Variants in MAN2B2 observed in about 807,000 individuals in gnomAD.
MAN2B2 encodes epididymis-specific alpha-mannosidase.
In MAN2B2, 106 loss-of-function variants were observed where a neutral mutation model predicts 117.1. The ratio of observed to expected loss-of-function variants is 0.90; its 90% CI spans 0.77 to 1.06. MAN2B2 has a LOEUF of 1.06. Ranked by LOEUF, MAN2B2 falls within the 50% of genes least tolerant of loss-of-function variation. The probability of loss-of-function intolerance (pLI) is 0.00; values close to 1 mark genes in which losing one functional copy is unlikely to be tolerated. For missense variants in MAN2B2, 1,326 were observed against 1,381.4 expected, an observed-to-expected ratio of 0.96 and a Z score of 0.64; for synonymous variants, 544 against 595.1, an observed-to-expected ratio of 0.91 and a Z score of 1.25.
At chr4:6,611,494 C>T (rs1225305353) in intron 15 of MAN2B2, among the ~76,000 whole-genome samples, 3 of 151,986 alleles carry the variant, frequency 2.0e-5, no homozygotes, top group African/African-American at 7.3e-5. Flanking sequence ...AGGTACAGAG[C>T]TGGGACTCAC....
intron 10 of MAN2B2, among the ~76,000 whole-genome samples, chr4:6,604,372 G>A (rs1186890727): frequency 6.6e-6 from 1 of 151,784 alleles, no homozygotes; most frequent in Non-Finnish European, 1.5e-5. Context: ...CACAGCAGCT[G>A]TGACCAGGCA....
chr4:6,615,664 G>C (rs564494789), intron 16 of MAN2B2, among the ~76,000 whole-genome samples: 1 of 152,208 alleles, frequency 6.6e-6, no homozygotes, highest in South Asian at 2.1e-4. Context: ...GGCGGGTGTG[G>C]TGATGCTTGC....
intron 18 of MAN2B2, chr4:6,620,974 A>G (rs959783955): frequency 1.9e-6 from 1 of 539,490 alleles, no homozygotes. Context: ...AGGGGATGCC[A>G]TAGGCCGTTG....
Position 6,621,347 on chromosome 4 carries a change from C to G in MAN2B2, c.*62C>G. On this transcript the variant is annotated 3_prime_UTR_variant, in exon 19 of 19. Coordinates refer to ENST00000285599, the MANE Select transcript of MAN2B2 (RefSeq NM_015274.3). ...AGGAACTCCATGTAACAGAACAGAC[C>G]CAGGACAGGGAAAAGCAGTGCGGAG... The G allele has an allele frequency of 1.4e-6, 2 of 1,419,386 alleles. No individual in the cohort carries two copies. Among genetic ancestry groups the G allele is most frequent in the South Asian group, 1.2e-5 (1 of 83,798 alleles). 87.9% of individuals were successfully genotyped at this position (1,419,386 alleles called of 1,614,324 possible). A position where few individuals can be genotyped will look rare whatever the true frequency, so the allele number is the denominator to read the frequency against.
intron 5 of MAN2B2, among the ~76,000 whole-genome samples, chr4:6,592,473 G>C (rs1395541332): frequency 6.6e-6 from 1 of 152,164 alleles, no homozygotes; most frequent in Non-Finnish European, 1.5e-5. Flanking sequence ...TCAAAAACAA[G>C]TCGAGCATGG....
chr4:6,607,592 A>C (rs535974948), intron 11 of MAN2B2, among the ~76,000 whole-genome samples: 1 of 152,218 alleles, frequency 6.6e-6, no homozygotes, highest in African/African-American at 2.4e-5. Context: ...ATACTATTCC[A>C]TCGCATGTAT....
intron 15 of MAN2B2, among the ~76,000 whole-genome samples, chr4:6,612,391 G>A (rs1366429036): frequency 1.3e-5 from 2 of 152,204 alleles, no homozygotes; most frequent in Admixed American, 1.3e-4. Context: ...GCTGGGAGGA[G>A]GTCAGGGATC....
At chr4:6,589,334 G>C (rs1726771430) in intron 5 of MAN2B2, among the ~76,000 whole-genome samples, 174 bp downstream of exon 5, 2 of 152,154 alleles carry the variant, frequency 1.3e-5, no homozygotes, top group Non-Finnish European at 2.9e-5. Flanking sequence ...TCCGCCTCCT[G>C]GGTTCAAGCG....
intron 2 of MAN2B2, 28 bp from the exon 3 acceptor site, chr4:6,578,365 T>A (rs577753131): frequency 6.3e-7 from 1 of 1,587,020 alleles, no homozygotes; most frequent in East Asian, 2.3e-5. Flanking sequence ...CGTAACTGGC[T>A]TTTTTCTCTC....
At chr4:6,582,256 C>A (rs751625160) in intron 3 of MAN2B2, among the ~76,000 whole-genome samples, 1 of 152,198 alleles carries the variant, frequency 6.6e-6, no homozygotes, top group African/African-American at 2.4e-5. Context: ...CGCGATCCCT[C>A]TCCTGTGTCA....
In MAN2B2 at chr4:6,600,745, G is replaced by C. The variant is rs771676955; in HGVS notation, c.1528G>C (p.Val510Leu). 6.2e-7 allele frequency: 1 copy of C among 1,613,506 alleles called. No homozygotes were observed. Among genetic ancestry groups the C allele is most frequent in the Middle Eastern group, 1.7e-4 (1 of 5,870 alleles). ...VRVTDEAGHP[V>L]PSQIQNSTET... ...CGTCACAGATGAGGCGGGCCACCCAGTGCCCTCGCAGGTATGGACACAAAA... is the reference window on the plus strand; with the variant it reads ...CGTCACAGATGAGGCGGGCCACCCACTGCCCTCGCAGGTATGGACACAAAA... The change falls in exon 10 of 19, where the codon GTG becomes CTG. Residue 510 changes from valine to leucine, a missense_variant. Coordinates refer to ENST00000285599, the MANE Select transcript of MAN2B2 (RefSeq NM_015274.3).
intron 10 of MAN2B2, among the ~76,000 whole-genome samples, chr4:6,601,262 C>T (rs1007282486): frequency 6.6e-6 from 1 of 152,128 alleles, no homozygotes; most frequent in Non-Finnish European, 1.5e-5. Context: ...CAAACACTTT[C>T]GGAGGCTGAA....
intron 2 of MAN2B2, among the ~76,000 whole-genome samples, chr4:6,577,858 A>C (rs963536810): frequency 2.0e-5 from 3 of 152,252 alleles, no homozygotes; most frequent in Non-Finnish European, 4.4e-5. Flanking sequence ...CTGAACCCCC[A>C]GTGCCTGAAC....
intron 3 of MAN2B2, 47 bp from the exon 4 acceptor site, chr4:6,586,949 C>G (rs779877482): frequency 3.8e-6 from 6 of 1,570,900 alleles, no homozygotes; most frequent in Non-Finnish European, 5.2e-6. Context: ...GGCCGGGAGG[C>G]ACAGGCCCGC....
intron 10 of MAN2B2, among the ~76,000 whole-genome samples, chr4:6,601,799 TTACTG>T (rs374521519): frequency 1.9e-4 from 29 of 152,320 alleles, no homozygotes; most frequent in African/African-American, 6.3e-4. Context: ...CTATCTATGT[TTACTG>T]TACCACACAG....
At chr4:6,579,319 TCAC>T (rs748293245) in intron 3 of MAN2B2, among the ~76,000 whole-genome samples, 641 of 17,286 alleles carry the variant, frequency 0.037, 32 homozygotes, top group African/African-American at 0.12. Context: ...ACCACCACCA[TCAC>T]CACCACCACC....
rs1407362697 is a variant in MAN2B2, at chr4:6,622,104, AT to A, written c.*821del. ...GTGTGTTCTGTCCATACAATGGAAT[AT>A]TATTTGGCCATAAAAAGGAAGGAAA... is the stretch of plus-strand genomic sequence containing the variant. On this transcript the variant is annotated 3_prime_UTR_variant, in exon 19 of 19. Coordinates refer to ENST00000285599, the MANE Select transcript of MAN2B2 (RefSeq NM_015274.3). 6.6e-6 allele frequency: 1 copy of A among 152,278 alleles called. No individual in the cohort carries two copies. Among genetic ancestry groups the A allele is most frequent in the Non-Finnish European group, 1.5e-5 (1 of 68,056 alleles). 9.4% of individuals were successfully genotyped at this position (152,278 alleles called of 1,614,324 possible).
At chr4:6,594,780 A>G (rs1479945114) in intron 7 of MAN2B2, 48 bp downstream of exon 7, 1 of 1,548,364 alleles carries the variant, frequency 6.5e-7, no homozygotes, top group Non-Finnish European at 8.8e-7. Flanking sequence ...CAGGGAGGGT[A>G]TAGTCCACGT....
chr4:6,593,673 G>A (rs1203329735), intron 6 of MAN2B2, among the ~76,000 whole-genome samples: 1 of 152,254 alleles, frequency 6.6e-6, no homozygotes, highest in Admixed American at 6.5e-5. Context: ...TGTAAAATGG[G>A]GATGGTGGCA....
Sources: allele counts gnomAD v4.1 joint callset (sites outside exome capture counted in the v4.1 genomes callset), GRCh38; gene constraint gnomAD v4.1.1; transcripts MANE v1.5; gene names NCBI Gene and HGNC (gene_info 2026-07-23, HGNC 2026-07-21).